Variants in DIP2C observed in about 807,000 individuals in gnomAD.
The protein encoded by DIP2C is disco-interacting protein 2 homolog C.
A neutral mutation model predicts 192.4 loss-of-function variants in DIP2C; 33 were observed. The ratio of observed to expected loss-of-function variants is 0.17; its 90% CI spans 0.13 to 0.23. The LOEUF is 0.23. Among genes scored for constraint, DIP2C ranks in the 10% least tolerant of loss-of-function variants. The pLI is 1.00. For missense variants in DIP2C, 1,537 were observed against 2,110.1 expected (o/e 0.73, Z 5.32); for synonymous variants, 979 against 864.1 (o/e 1.13, Z -2.33).
chr10:624,572 C>A (rs1471035981), intron 1 of DIP2C, among the ~76,000 whole-genome samples: 1 of 152,222 alleles, frequency 6.6e-6, no homozygotes, highest in Non-Finnish European at 1.5e-5. Context: ...TCCCACCAGC[C>A]CACGGGGGCC....
chr10:459,476 T>C (rs1969575933), intron 3 of DIP2C, among the ~76,000 whole-genome samples: 1 of 152,216 alleles, frequency 6.6e-6, no homozygotes, highest in Non-Finnish European at 1.5e-5. Context: ...CACATGGAAG[T>C]TCTTAGTTCA....
chr10:345,419 C>G (rs1564589809), intron 26 of DIP2C, among the ~76,000 whole-genome samples: 2 of 151,600 alleles, frequency 1.3e-5, no homozygotes, highest in African/African-American at 4.8e-5. Flanking sequence ...CCTGGAAACC[C>G]CACACACACA....
chr10:496,368 A>C (rs1844835638), intron 1 of DIP2C, among the ~76,000 whole-genome samples: 1 of 121,386 alleles, frequency 8.2e-6, no homozygotes, highest in African/African-American at 4.1e-5. Context: ...TCCCTACATT[A>C]CTCTTAATAC....
At chr10:688,840 G>C (rs904230839) in intron 1 of DIP2C, among the ~76,000 whole-genome samples, 1 of 152,226 alleles carries the variant, frequency 6.6e-6, no homozygotes, top group Non-Finnish European at 1.5e-5. Context: ...GGCCCGGGGG[G>C]AGGTTGACGA....
At chr10:580,586 ACC>A (rs1564226294) in intron 1 of DIP2C, among the ~76,000 whole-genome samples, 3 of 152,318 alleles carry the variant, frequency 2.0e-5, no homozygotes, top group Non-Finnish European at 2.9e-5. Flanking sequence ...TAGTGTACAT[ACC>A]TATACATTGT....
chr10:455,796 T>C (rs1969252609), intron 3 of DIP2C, among the ~76,000 whole-genome samples: 1 of 9,814 alleles, frequency 1.0e-4, no homozygotes. Context: ...GAGGAGTAAA[T>C]GAGATGAAAA....
chr10:470,701 C>T (rs935028581), intron 3 of DIP2C, among the ~76,000 whole-genome samples: 9 of 152,194 alleles, frequency 5.9e-5, no homozygotes, highest in South Asian at 2.1e-4. Flanking sequence ...GTAGGAAACA[C>T]GCAGTGGCGA....
At chr10:400,438 T>C (rs1178783846) in intron 9 of DIP2C, among the ~76,000 whole-genome samples, 2 of 152,264 alleles carry the variant, frequency 1.3e-5, no homozygotes, top group Admixed American at 1.3e-4. Context: ...CTAAGCCCTG[T>C]GAACTCTGCT....
intron 9 of DIP2C, among the ~76,000 whole-genome samples, chr10:400,572 G>C (rs1395552844): frequency 6.6e-6 from 1 of 151,924 alleles, no homozygotes; most frequent in Non-Finnish European, 1.5e-5. Context: ...GGTAGCATTA[G>C]CATTACTCTT....
rs1301458020 is a variant in DIP2C at position 477,846 on chromosome 10, A to AAAGGAGAAGTGAAGG, written c.158-5312_158-5298dup. Among the ~76,000 whole-genome samples the AAAGGAGAAGTGAAGG allele has an allele frequency of 8.6e-5, 12 of 139,666 alleles. 1 individual carries two copies. The highest frequency in any genetic ancestry group is 4.5e-4 in the East Asian group (2 of 4,480). 91.6% of individuals were successfully genotyped at this position (139,666 alleles called of 152,430 possible). A position where few individuals can be genotyped will look rare whatever the true frequency, so the allele number is the denominator to read the frequency against. ...GAGAGAAGGAGAAGGGAGAAAGAAA[A>AAAGGAGAAGTGAAGG]AAGGAGAAGTGAAGGAAGCAGAGAG... On this transcript the variant is annotated intron_variant, in intron 2 of 36. Coordinates refer to ENST00000280886, the MANE Select transcript of DIP2C (RefSeq NM_014974.3).
At chr10:313,190 G>C (rs566136124) in intron 31 of DIP2C, among the ~76,000 whole-genome samples, 23 of 152,366 alleles carry the variant, frequency 1.5e-4, no homozygotes, top group Admixed American at 1.2e-3. Context: ...ATGCTAGCCA[G>C]TGTTCCCTTA....
At chr10:372,864 C>T (rs1175495718) in intron 17 of DIP2C, among the ~76,000 whole-genome samples, 1 of 152,244 alleles carries the variant, frequency 6.6e-6, no homozygotes, top group African/African-American at 2.4e-5. Flanking sequence ...CACCTCCCCA[C>T]AGACGTGGTG....
At chr10:286,461 C>T (rs2132168588) in intron 33 of DIP2C, 114 bp from the exon 34 acceptor site, 1 of 950,478 alleles carries the variant, frequency 1.1e-6, no homozygotes, top group South Asian at 1.4e-5. Flanking sequence ...GTTTAGAAAG[C>T]AATTAAATCA....
chr10:650,476 C>T, intron 1 of DIP2C: 1 of 704,668 alleles, frequency 1.4e-6, no homozygotes. Flanking sequence ...TAAGAGAGTC[C>T]ACGGCCACTT....
chr10:578,400 G>A (rs1850318466), intron 1 of DIP2C, among the ~76,000 whole-genome samples: 1 of 152,186 alleles, frequency 6.6e-6, no homozygotes, highest in African/African-American at 2.4e-5. Context: ...TTGTGATATG[G>A]AAAGCTAGAC....
At chr10:580,370 ATG>A (rs1289891156) in intron 1 of DIP2C, among the ~76,000 whole-genome samples, 6 of 152,190 alleles carry the variant, frequency 3.9e-5, no homozygotes, top group Admixed American at 1.3e-4. Context: ...GTGTGCACAC[ATG>A]TATATATATA....
rs1293018463 is a variant in DIP2C, at chr10:283,491, T to A, written c.4120-45A>T. 1.9e-6 allele frequency: 3 copies of A among 1,603,318 alleles called. 1 individual carries two copies. The Admixed American group carries it at 5.1e-5, about 27-fold the overall frequency. ...TCACTGTGGATGACATTATTTTATCTCCAGGGAAATGAGACTACAACTACT... is the reference window on the plus strand; with the variant it reads ...TCACTGTGGATGACATTATTTTATCACCAGGGAAATGAGACTACAACTACT... On this transcript the variant is annotated intron_variant, in intron 34 of 36. Transcript: ENST00000280886.
chr10:456,681 C>CG (rs1969326803), intron 3 of DIP2C, among the ~76,000 whole-genome samples: 1 of 152,188 alleles, frequency 6.6e-6, no homozygotes, highest in African/African-American at 2.4e-5. Context: ...CACCTGTCCA[C>CG]GGCCACCGTT....
rs1389632544 is a variant in DIP2C, at chr10:357,882, G to A, written c.2850C>T (p.Ala950=). 3.7e-6 allele frequency: 6 copies of A among 1,612,752 alleles called. No individual in the cohort carries two copies. Among genetic ancestry groups the A allele is most frequent in the Non-Finnish European group, 4.2e-6 (5 of 1,179,912 alleles). Residue 950 remains alanine, a synonymous_variant, in exon 23 of 37, where the codon GCC becomes GCT. Coordinates refer to ENST00000280886, the MANE Select transcript of DIP2C (RefSeq NM_014974.3). ...VGNLVSGKRI[A]QASGRDLGQI... ...GACCCAGGTCTCTGCCACTGGCCTG[G>A]GCGATTCTCTTCCCAGAGACCAGGT... is the stretch of plus-strand genomic sequence containing the variant.
Sources: allele counts gnomAD v4.1 joint callset (sites outside exome capture counted in the v4.1 genomes callset), GRCh38; gene constraint gnomAD v4.1.1; transcripts MANE v1.5; gene names NCBI Gene and HGNC (gene_info 2026-07-23, HGNC 2026-07-21).